BCAS3: variants seen among roughly 807,000 people sequenced by gnomAD.
BCAS3 encodes the protein BCAS3 microtubule associated cell migration factor, also known as BCAS4/BCAS3 fusion.
A neutral mutation model predicts 116.1 loss-of-function variants in BCAS3; 53 were observed. The ratio of observed to expected loss-of-function variants is 0.46; its 90% confidence interval spans 0.37 to 0.57. The LOEUF is 0.57. BCAS3 is among the 20% of genes least tolerant of loss of function. The pLI is 0.00. For synonymous variants in BCAS3, 391 were observed against 408.2 expected (o/e 0.96, Z 0.51); for missense variants, 917 against 1,165.4 (o/e 0.79, Z 3.10).
chr17:61,205,522 A>G lies in BCAS3; in HGVS notation c.2425+120958A>G, dbSNP rs1479490331. ...GTGTGACATTCAGGAACTATTGCAG[A>G]CTTCCAGGACTCAAGACAGTCTCCT... On this transcript the variant is annotated intron_variant, in intron 22 of 23. Transcript: ENST00000407086. This position sits in a 1 kb window ranked among gnomAD's most constrained non-coding sequence, Gnocchi z 5.2. Among the ~76,000 whole-genome samples, 2 of 152,218 alleles carry G rather than the reference A, an allele frequency of 1.3e-5. No homozygotes were observed. The highest frequency in any genetic ancestry group is 1.5e-5 in the Non-Finnish European group (1 of 68,046).
At chr17:60,863,335 G>A (rs2054311622) in intron 7 of BCAS3, among the ~76,000 whole-genome samples, 1 of 152,046 alleles carries the variant, frequency 6.6e-6, no homozygotes, top group Admixed American at 6.6e-5. Context: ...TATATCATTT[G>A]TATACATCCA....
chr17:61,080,714 C>A (rs73324858), intron 21 of BCAS3, among the ~76,000 whole-genome samples: 1 of 152,060 alleles, frequency 6.6e-6, no homozygotes, highest in Admixed American at 6.5e-5. Flanking sequence ...GAGCCGAGAT[C>A]GTGCCACTGC....
chr17:60,888,910 A>T (rs1429040853), intron 9 of BCAS3, among the ~76,000 whole-genome samples: 1 of 152,206 alleles, frequency 6.6e-6, no homozygotes, highest in Non-Finnish European at 1.5e-5. Flanking sequence ...TGTGTACTGG[A>T]AGTGACAGTA....
chr17:61,040,656 T>C, intron 18 of BCAS3, 136 bp from the exon 19 acceptor site: 1 of 721,172 alleles, frequency 1.4e-6, no homozygotes, highest in Non-Finnish European at 2.3e-6. Flanking sequence ...ACATTCATTT[T>C]AATGATTACA....
rs1226343522 is a variant in BCAS3, at chr17:61,046,012, TTA to T, written c.2029+5130_2029+5131del. Among the ~76,000 whole-genome samples, 67 of 9,020 alleles carry T rather than the reference TTA, an allele frequency of 7.4e-3. 1 individual carries two copies. Among genetic ancestry groups the T allele is most frequent in the Admixed American group, 0.05 (19 of 378 alleles). 5.9% of individuals were successfully genotyped at this position (9,020 alleles called of 152,430 possible). The stretch of plus-strand genomic sequence containing the variant: ...ATTTATATATATATAATATATATAT[TTA>T]TATATATATTATATATATATTTATA... On this transcript the variant is annotated intron_variant, in intron 19 of 23. Transcript: ENST00000407086.
At chr17:61,304,768 T>G (rs1289903033) in intron 22 of BCAS3, among the ~76,000 whole-genome samples, 1 of 152,142 alleles carries the variant, frequency 6.6e-6, no homozygotes, top group Non-Finnish European at 1.5e-5. Flanking sequence ...TTTTTTTTTT[T>G]TTGAGGCGGA....
rs1407294119 is a variant in BCAS3, at chr17:60,956,590, T to C, written c.1221+9238T>C. Among the ~76,000 whole-genome samples, 2 of 152,236 alleles carry C rather than the reference T, an allele frequency of 1.3e-5. No homozygotes were observed. Among genetic ancestry groups the C allele is most frequent in the Non-Finnish European group, 2.9e-5 (2 of 68,044 alleles). Reference sequence around the variant, plus strand: ...TTCAATATGGAAATAGAAATTTTGCTTAAGCTTCTTGGCATCTCTCATGCA... The same window carrying C: ...TTCAATATGGAAATAGAAATTTTGCCTAAGCTTCTTGGCATCTCTCATGCA... On this transcript the variant is annotated intron_variant, in intron 14 of 23. Transcript: ENST00000407086. This position sits in a 1 kb window ranked among gnomAD's most constrained non-coding sequence, Gnocchi z 4.2.
intron 20 of BCAS3, 125 bp downstream of exon 20, chr17:61,075,145 G>A: frequency 1.4e-6 from 1 of 702,776 alleles, no homozygotes; most frequent in South Asian, 2.1e-5. Flanking sequence ...AGAATTAGTT[G>A]TCTTTCCATA....
chr17:60,819,154 A>T (rs771322470), intron 7 of BCAS3, among the ~76,000 whole-genome samples: 3 of 152,226 alleles, frequency 2.0e-5, no homozygotes, highest in Non-Finnish European at 4.4e-5. Context: ...TATAAATGCT[A>T]ATTGTGTACA....
At chr17:60,992,542 A>AGG (rs1020684674) in intron 15 of BCAS3, among the ~76,000 whole-genome samples, 27 of 152,106 alleles carry the variant, frequency 1.8e-4, no homozygotes, top group African/African-American at 6.0e-4. Flanking sequence ...GGACAGTGGG[A>AGG]GGGGGTGAGG....
chr17:60,890,979 T>G (rs974215448), intron 10 of BCAS3, among the ~76,000 whole-genome samples: 13 of 152,226 alleles, frequency 8.5e-5, no homozygotes, highest in Admixed American at 2.0e-4. Context: ...TTCTTTGAGA[T>G]CTTATCCATA....
rs899261660 is a variant in BCAS3, at chr17:61,083,795, C to T, written c.2328-672C>T. On this transcript the variant is annotated intron_variant, in intron 21 of 23. Transcript: ENST00000407086. This position sits in a 1 kb window ranked among gnomAD's most constrained non-coding sequence, Gnocchi z 4.9. ...ATTTTTAGTAGAGACGGGGCTTCAC[C>T]GTGTTAGCCAGGATGGATGTTTATT... is the stretch of plus-strand genomic sequence containing the variant. Among the ~76,000 whole-genome samples the T allele has an allele frequency of 2.0e-5, 3 of 152,014 alleles. No individual in the cohort carries two copies. Among genetic ancestry groups the T allele is most frequent in the East Asian group, 1.9e-4 (1 of 5,164 alleles).
intron 9 of BCAS3, among the ~76,000 whole-genome samples, chr17:60,880,881 T>C (rs1028624239): frequency 2.6e-5 from 4 of 152,236 alleles, no homozygotes; most frequent in African/African-American, 4.8e-5. Context: ...ATTCTAGATA[T>C]GTCACTTATC....
intron 22 of BCAS3, among the ~76,000 whole-genome samples, chr17:61,262,451 A>G (rs2049292294): frequency 1.3e-5 from 2 of 150,630 alleles, no homozygotes; most frequent in South Asian, 4.2e-4. Context: ...CACGATCTCC[A>G]CTCACCACAA....
At chr17:61,061,844 C>T (rs2070076827) in intron 19 of BCAS3, among the ~76,000 whole-genome samples, 1 of 152,082 alleles carries the variant, frequency 6.6e-6, no homozygotes, top group Non-Finnish European at 1.5e-5. Flanking sequence ...AACAAAAAAA[C>T]AACGTGTTTG....
chr17:60,810,311 C>A, intron 7 of BCAS3: 1 of 450,106 alleles, frequency 2.2e-6, no homozygotes, highest in Admixed American at 2.7e-5. Context: ...ATCTCCGTGT[C>A]CCACTCCACC....
rs1555698457 is a variant in BCAS3 at position 61,070,400 on chromosome 17, T to TATATATATATATATATATATA, written c.2030-4520_2030-4519insATATATATATATATATATATA. 111 of 180,962 alleles carry TATATATATATATATATATATA rather than the reference T, an allele frequency of 6.1e-4. 2 individuals carry two copies. Among genetic ancestry groups the TATATATATATATATATATATA allele is most frequent in the Non-Finnish European group, 9.5e-4 (89 of 94,174 alleles). The allele number at this position is 180,962 out of a possible 1,614,324, so 11.2% of individuals were successfully genotyped here. ...ATATATATATATATATATATATATA[T>TATATATATATATATATATATA]CTTTTCACCATTTAAAAAAAATAGA... On this transcript the variant is annotated intron_variant, in intron 19 of 23. Transcript: ENST00000407086.
intron 7 of BCAS3, among the ~76,000 whole-genome samples, chr17:60,862,048 C>T (rs1485819350): frequency 1.3e-5 from 2 of 152,156 alleles, no homozygotes; most frequent in Non-Finnish European, 2.9e-5. Context: ...CTTCGGGAGG[C>T]CGAGGAGGGC....
intron 8 of BCAS3, among the ~76,000 whole-genome samples, chr17:60,873,636 G>A (rs1397970279): frequency 6.6e-6 from 1 of 152,118 alleles, no homozygotes; most frequent in Non-Finnish European, 1.5e-5. Context: ...CTAATTATCT[G>A]TAAATCTTGG....
Sources: gnomAD v4.1 joint callset for allele counts (sites outside exome capture counted in the v4.1 genomes callset) on GRCh38, gnomAD v4.1.1 for gene constraint, Gnocchi (gnomAD v3.1) non-coding constraint, MANE v1.5 for transcripts, NCBI Gene and HGNC (gene_info 2026-07-23, HGNC 2026-07-21) for gene names.